Variants in ZNF638 observed in about 807,000 individuals in gnomAD.
ZNF638 encodes the protein zinc finger protein 638.
ZNF638 carries 46 observed loss-of-function variants against 195.6 expected under a neutral mutation model. The ratio of observed to expected loss-of-function variants is 0.24; its 90% CI spans 0.19 to 0.30. ZNF638 has a LOEUF of 0.30. Ranked by LOEUF, ZNF638 falls within the 10% of genes least tolerant of loss-of-function variation. The pLI is 1.00. For synonymous variants in ZNF638, 845 were observed against 772.0 expected, an observed-to-expected ratio of 1.09 and a Z score of -1.57; for missense variants, 2,440 against 2,325.3, an observed-to-expected ratio of 1.05 and a Z score of -1.01.
At chr2:71,355,595 A>T in intron 2 of ZNF638, 124 bp from the exon 3 acceptor site, 1 of 685,754 alleles carries the variant, frequency 1.5e-6, no homozygotes, top group South Asian at 2.1e-5. Context: ...GAGCAGCCAA[A>T]TGCTATTTAT....
rs1299113864 is a variant in ZNF638, at chr2:71,383,581, T to C, written c.2377+3016T>C. On this transcript the variant is annotated intron_variant, in intron 10 of 27. Coordinates refer to ENST00000264447, the MANE Select transcript of ZNF638 (RefSeq NM_014497.5). ...GGTGGTTTTTTTTTTTTTTTTTTTT[T>C]CTTCTTTTATTGAGATGGAGTTTCA... 1.2e-3 allele frequency among the ~76,000 whole-genome samples: 132 copies of C among 112,084 alleles called. 1 individual carries two copies. The highest frequency in any genetic ancestry group is 2.0e-3 in the Non-Finnish European group (100 of 50,784). 73.5% of individuals were successfully genotyped at this position (112,084 alleles called of 152,430 possible).
chr2:71,341,856 C>G (rs1194741329), intron 1 of ZNF638: 3 of 151,996 alleles, frequency 2.0e-5, no homozygotes, highest in Non-Finnish European at 4.4e-5. Context: ...GCCAAATTTG[C>G]CTTTGTTTAG....
chr2:71,342,218 C>A (rs372868707), intron 1 of ZNF638, among the ~76,000 whole-genome samples: 1,824 of 99,120 alleles, frequency 0.018, 1 homozygote, highest in Non-Finnish European at 0.02. Context: ...GACTCTGTCT[C>A]AAAAAAAAAA....
At chr2:71,383,348 G>A (rs2079567914) in intron 10 of ZNF638, among the ~76,000 whole-genome samples, 1 of 152,116 alleles carries the variant, frequency 6.6e-6, no homozygotes, top group South Asian at 2.1e-4. Flanking sequence ...TTCTAGAAGA[G>A]ATAGATTCAG....
chr2:71,392,028 T>C (rs1248209211), intron 10 of ZNF638, among the ~76,000 whole-genome samples: 1 of 152,242 alleles, frequency 6.6e-6, no homozygotes, highest in East Asian at 1.9e-4. Flanking sequence ...TATTTGGCTA[T>C]ATCCAGCTAG....
chr2:71,378,385 A>G (rs1265949407), intron 8 of ZNF638, among the ~76,000 whole-genome samples: 1 of 152,250 alleles, frequency 6.6e-6, no homozygotes, highest in African/African-American at 2.4e-5. Flanking sequence ...CATGTGGGAT[A>G]AAATCCCATA....
chr2:71,345,693 C>A (rs1330999102), intron 1 of ZNF638, among the ~76,000 whole-genome samples: 1 of 151,432 alleles, frequency 6.6e-6, no homozygotes, highest in Non-Finnish European at 1.5e-5. Context: ...TTTGTAGAGA[C>A]AGGATTTTGT....
intron 1 of ZNF638, among the ~76,000 whole-genome samples, chr2:71,339,423 T>C (rs2078727331): frequency 6.6e-6 from 1 of 152,216 alleles, no homozygotes; most frequent in Admixed American, 6.5e-5. Flanking sequence ...AGTGCTGGGA[T>C]TACAGGCATG....
At position 71,349,582 on chromosome 2, in the gene ZNF638, G is replaced by A. The variant is rs2104176284; in HGVS notation, c.628G>A (p.Asp210Asn). ...TGAAGCAGTTTCAAGTAATGTGATC[G>A]ATTATGGGCATGCAAGCAAATATGG... is the stretch of plus-strand genomic sequence containing the variant. ...GSEAVSSNVIDYGHASKYGYT... is the reference protein window; with the variant it reads ...GSEAVSSNVINYGHASKYGYT... Residue 210 changes from aspartate (D) to asparagine (N), a missense_variant, in exon 2 of 28, where the codon GAT becomes AAT. Physicochemically the swap from Asp to Asn is conservative, Grantham distance 23 (BLOSUM62 1). Around this residue, in one of 5 missense-constraint regions of ZNF638, gnomAD observed 305 missense variants for 283.6 expected, o/e 1.08. Transcript: ENST00000264447. 5 of 1,614,118 alleles carry A rather than the reference G, an allele frequency of 3.1e-6. No individual in the cohort carries two copies. The highest frequency in any genetic ancestry group is 1.7e-6 in the Non-Finnish European group (2 of 1,180,020).
chr2:71,394,849 C>CA (rs34663688), intron 10 of ZNF638, among the ~76,000 whole-genome samples: 27,942 of 152,116 alleles, frequency 0.18, 3,037 homozygotes, highest in African/African-American at 0.29. Flanking sequence ...CAGCAGGGTA[C>CA]AAATCAAAAG....
chr2:71,405,498 A>G (rs1401966121), intron 17 of ZNF638, 103 bp from the exon 18 acceptor site: 3 of 679,868 alleles, frequency 4.4e-6, no homozygotes, highest in Non-Finnish European at 7.5e-6. Context: ...AATACTTTGT[A>G]ATGCATATTT....
At chr2:71,368,191 T>C (rs1370018402) in intron 6 of ZNF638, among the ~76,000 whole-genome samples, 191 bp from the exon 7 acceptor site, 1 of 152,144 alleles carries the variant, frequency 6.6e-6, no homozygotes, top group Non-Finnish European at 1.5e-5. Flanking sequence ...TAAAATCTTA[T>C]TAAAGTGTTA....
At chr2:71,357,702 T>C (rs924497010) in intron 3 of ZNF638, among the ~76,000 whole-genome samples, 4 of 152,220 alleles carry the variant, frequency 2.6e-5, no homozygotes, top group African/African-American at 9.7e-5. Context: ...GACCCTGATT[T>C]AAAGCATTTG....
At chr2:71,379,277 T>C (rs1285325065) in intron 8 of ZNF638, among the ~76,000 whole-genome samples, 3 of 152,214 alleles carry the variant, frequency 2.0e-5, no homozygotes, top group African/African-American at 7.2e-5. Context: ...CAGTGGTCAG[T>C]TGTGGTTTGA....
chr2:71,350,180 C>T lies in ZNF638; in HGVS notation c.1226C>T (p.Thr409Ile). The T allele has an allele frequency of 6.2e-7, 1 of 1,612,658 alleles. No individual in the cohort carries two copies. The change falls in exon 2 of 28, where the codon ACT (threonine) becomes ATT (isoleucine). Residue 409 changes from threonine to isoleucine, a missense_variant. Physicochemically the swap from Thr to Ile is moderately conservative, Grantham distance 89. Coordinates refer to ENST00000264447, the MANE Select transcript of ZNF638 (RefSeq NM_014497.5). ...GCCCAGAAGATGAAGAGACTTCCAACTCCTTCTATGATGAATGATTATTAT... is the reference window on the plus strand; with the variant it reads ...GCCCAGAAGATGAAGAGACTTCCAATTCCTTCTATGATGAATGATTATTAT... ...ADAQKMKRLP[T>I]PSMMNDYYAA... is the part of the protein sequence containing the mutation.
chr2:71,359,534 G>A (rs1489467278), intron 3 of ZNF638, among the ~76,000 whole-genome samples: 4 of 152,148 alleles, frequency 2.6e-5, no homozygotes, highest in Non-Finnish European at 5.9e-5. Context: ...CTGACTCACA[G>A]ACTAATCTTC....
Position 71,364,099 on chromosome 2 carries a change from A to G in ZNF638, c.1564A>G (p.Ser522Gly). 2 of 1,614,168 alleles carry G rather than the reference A, an allele frequency of 1.2e-6. No individual in the cohort carries two copies. Among genetic ancestry groups the G allele is most frequent in the Non-Finnish European group, 1.7e-6 (2 of 1,180,028 alleles). Reference sequence around the variant, plus strand: ...TTACATGTATAGGCCGAGAAGTCGAAGTCCAAGAATTTGCCATCGTTTCAT... The same window carrying G: ...TTACATGTATAGGCCGAGAAGTCGAGGTCCAAGAATTTGCCATCGTTTCAT... ...MHYMYRPRSR[S>G]PRICHRFISR... Residue 522 changes from serine to glycine, a missense_variant, in exon 5 of 28, where the codon AGT (serine) becomes GGT (glycine). Ser to Gly is a moderately conservative substitution (Grantham distance 56). Around this residue, in one of 5 missense-constraint regions of ZNF638, gnomAD observed 1,883 missense variants for 1,739.1 expected, o/e 1.08. Transcript: ENST00000264447.
rs746973483 is a variant in ZNF638, at chr2:71,388,655, C to T, written c.2378-7486C>T. ...GGATCAGACTCAGCAGCTGGTGCCC[C>T]TCGTGAGGAACACTGCAAGGGATCA... On this transcript the variant is annotated intron_variant, in intron 10 of 27. Coordinates refer to ENST00000264447, the MANE Select transcript of ZNF638 (RefSeq NM_014497.5). 15 of 926,278 alleles carry T rather than the reference C, an allele frequency of 1.6e-5. No individual in the cohort carries two copies. In the African/African-American group the frequency reaches 2.4e-4, roughly 15 times the overall value. 57.4% of individuals were successfully genotyped at this position (926,278 alleles called of 1,614,324 possible).
chr2:71,358,401 C>G (rs535252347), intron 3 of ZNF638, among the ~76,000 whole-genome samples: 1 of 152,270 alleles, frequency 6.6e-6, no homozygotes, highest in African/African-American at 2.4e-5. Flanking sequence ...ATCGCTCTCT[C>G]GTCTGGGCCT....
Sources: allele counts gnomAD v4.1 joint callset (sites outside exome capture counted in the v4.1 genomes callset), GRCh38; gene constraint gnomAD v4.1.1; regional missense constraint gnomAD v4.1.1; transcripts MANE v1.5; gene names NCBI Gene and HGNC (gene_info 2026-07-23, HGNC 2026-07-21).